SPTLC3: variants seen among roughly 807,000 people sequenced by gnomAD.
The protein encoded by SPTLC3 is serine palmitoyltransferase 3.
In SPTLC3, 36 loss-of-function variants were observed where a neutral mutation model predicts 59.3. The ratio of observed to expected loss-of-function variants is 0.61; its 90% CI spans 0.47 to 0.80. SPTLC3 has a LOEUF of 0.80. Among genes scored for constraint, SPTLC3 ranks in the 30% least tolerant of loss-of-function variants. The pLI, the probability that SPTLC3 is intolerant of heterozygous loss-of-function variation, is 0.00. For missense variants in SPTLC3, 625 were observed against 685.1 expected, an observed-to-expected ratio of 0.91 and a Z score of 0.98; for synonymous variants, 257 against 240.8, an observed-to-expected ratio of 1.07 and a Z score of -0.62.
chr20:13,139,432 G>A (rs905123943), intron 9 of SPTLC3, among the ~76,000 whole-genome samples: 18 of 152,154 alleles, frequency 1.2e-4, no homozygotes, highest in African/African-American at 4.3e-4. Flanking sequence ...TGGTGTTTCT[G>A]TTGGGCAAGA....
intron 2 of SPTLC3, among the ~76,000 whole-genome samples, chr20:13,069,474 A>C (rs1430550891): frequency 6.6e-6 from 1 of 152,188 alleles, no homozygotes; most frequent in Non-Finnish European, 1.5e-5. Context: ...ATCATTAGGC[A>C]TTAGATTCTC....
Position 13,093,474 on chromosome 20 carries a change from T to C in SPTLC3, c.733-10T>C. 3 of 1,611,702 alleles carry C rather than the reference T, an allele frequency of 1.9e-6. No individual in the cohort carries two copies. The highest frequency in any genetic ancestry group is 2.5e-6 in the Non-Finnish European group (3 of 1,178,564). On this transcript the variant is annotated splice_polypyrimidine_tract_variant and intron_variant, in intron 5 of 11. Transcript: ENST00000399002. ...TTGGCTTGTGTTTTGTGTGCTTGTT[T>C]TCTGCACAGGGATGCCTCATTTTAA...
chr20:13,061,179 G>A (rs950726281), intron 2 of SPTLC3, among the ~76,000 whole-genome samples: 4 of 152,070 alleles, frequency 2.6e-5, no homozygotes, highest in South Asian at 2.1e-4. Flanking sequence ...GAGGAATACC[G>A]TGACTCAGGG....
chr20:13,114,897 GC>G (rs1290522075), intron 7 of SPTLC3, among the ~76,000 whole-genome samples: 1 of 152,126 alleles, frequency 6.6e-6, no homozygotes, highest in African/African-American at 2.4e-5. Flanking sequence ...CAAAAAGGAG[GC>G]TTTTCACTTA....
chr20:13,020,240 G>A (rs1227399101), intron 1 of SPTLC3, among the ~76,000 whole-genome samples: 1 of 151,970 alleles, frequency 6.6e-6, no homozygotes, highest in East Asian at 1.9e-4. Context: ...GGGTGGGTGT[G>A]GTGGCTCATG....
intron 5 of SPTLC3, among the ~76,000 whole-genome samples, chr20:13,091,512 G>A (rs569205315): frequency 1.7e-4 from 26 of 151,516 alleles, no homozygotes; most frequent in African/African-American, 3.4e-4. Context: ...AGTGGAGGTT[G>A]CAATGAGCCG....
chr20:13,111,530 C>T (rs1260038833), intron 7 of SPTLC3, among the ~76,000 whole-genome samples: 1 of 152,206 alleles, frequency 6.6e-6, no homozygotes, highest in East Asian at 1.9e-4. Flanking sequence ...CTGAGAAAAC[C>T]TGTTCTGGTA....
chr20:13,053,159 G>T (rs139703778), intron 2 of SPTLC3, among the ~76,000 whole-genome samples: 1 of 152,142 alleles, frequency 6.6e-6, no homozygotes, highest in South Asian at 2.1e-4. Flanking sequence ...GCTGGCATCT[G>T]GTGGGTGGCC....
chr20:13,013,414 T>C (rs1427578208), intron 1 of SPTLC3, among the ~76,000 whole-genome samples: 2 of 152,328 alleles, frequency 1.3e-5, no homozygotes, highest in Admixed American at 6.5e-5. Flanking sequence ...CTGATTGAAA[T>C]AGAGGTCAAT....
At chr20:13,024,030 G>A (rs536596751) in intron 1 of SPTLC3, among the ~76,000 whole-genome samples, 4 of 152,212 alleles carry the variant, frequency 2.6e-5, no homozygotes, top group African/African-American at 4.8e-5. Context: ...TATATGAGAC[G>A]ACTTTTAAAA....
intron 1 of SPTLC3, among the ~76,000 whole-genome samples, chr20:13,040,986 C>T (rs1237969404): frequency 1.3e-5 from 2 of 152,054 alleles, no homozygotes; most frequent in South Asian, 4.2e-4. Flanking sequence ...TTTATGTGAT[C>T]AATTGTTTGG....
rs533329661 is a variant in SPTLC3 at position 13,062,785 on chromosome 20, A to G, written c.304-9471A>G. ...TGGCTTTGAAGATATTTATATGCCA[A>G]TACAGAACTACTTCATTCCTTTTAA... is the stretch of plus-strand genomic sequence containing the variant. On this transcript the variant is annotated intron_variant, in intron 2 of 11. Coordinates refer to ENST00000399002, the MANE Select transcript of SPTLC3 (RefSeq NM_018327.4). Among the ~76,000 whole-genome samples the G allele has an allele frequency of 3.6e-4, 55 of 152,320 alleles. 1 individual carries two copies. The Middle Eastern group carries it at 0.01, about 28-fold the overall frequency.
At chr20:13,066,058 T>A (rs1988196498) in intron 2 of SPTLC3, among the ~76,000 whole-genome samples, 1 of 152,220 alleles carries the variant, frequency 6.6e-6, no homozygotes, top group African/African-American at 2.4e-5. Context: ...TTGACCAGTA[T>A]CCCCCTATTT....
intron 1 of SPTLC3, among the ~76,000 whole-genome samples, chr20:13,016,008 C>T (rs938550682): frequency 6.6e-6 from 1 of 151,928 alleles, no homozygotes; most frequent in East Asian, 1.9e-4. Flanking sequence ...AGGCAAATTA[C>T]AGACCAGGAA....
Position 13,117,647 on chromosome 20 carries a change from C to A in SPTLC3, c.1074C>A (p.Asp358Glu), listed in dbSNP as rs376119290. ...GRGVTEFFGL[D>E]PHEVDVLMGT... Reference sequence around the variant, plus strand: ...GTGTCACGGAGTTCTTTGGACTAGACCCTCATGAAGTTGATGTGCTCATGG... The same window carrying A: ...GTGTCACGGAGTTCTTTGGACTAGAACCTCATGAAGTTGATGTGCTCATGG... The change falls in exon 8 of 12, where the codon GAC becomes GAA. Residue 358 changes from aspartate to glutamate, a missense_variant. Asp to Glu is a conservative substitution (Grantham distance 45). Coordinates refer to ENST00000399002, the MANE Select transcript of SPTLC3 (RefSeq NM_018327.4). 1.9e-6 allele frequency: 3 copies of A among 1,613,924 alleles called. No homozygotes were observed. Among genetic ancestry groups the A allele is most frequent in the African/African-American group, 2.7e-5 (2 of 74,894 alleles).
In SPTLC3 at chr20:13,065,247, G is replaced by A. The variant is rs138083355; in HGVS notation, c.304-7009G>A. On this transcript the variant is annotated intron_variant, in intron 2 of 11. Transcript: ENST00000399002. Reference sequence around the variant, plus strand: ...AATGTATATTAATGCCTTTCACTGTGATTGTAAATTTGTTAGAGTTTTTTT... The same window carrying A: ...AATGTATATTAATGCCTTTCACTGTAATTGTAAATTTGTTAGAGTTTTTTT... 6.9e-3 allele frequency among the ~76,000 whole-genome samples: 1,000 copies of A among 144,026 alleles called. 13 individuals are homozygous for A. The highest frequency in any genetic ancestry group is 0.024 in the African/African-American group (941 of 38,940). 94.5% of individuals were successfully genotyped at this position (144,026 alleles called of 152,430 possible).
At position 13,046,638 on chromosome 20, in the gene SPTLC3, C is replaced by T. The variant is rs571822664; in HGVS notation, c.118-2307C>T. Among the ~76,000 whole-genome samples, 9 of 152,098 alleles carry T rather than the reference C, an allele frequency of 5.9e-5. No homozygotes were observed. The East Asian group carries it at 1.2e-3, about 20-fold the overall frequency. On this transcript the variant is annotated intron_variant, in intron 1 of 11. Coordinates refer to ENST00000399002, the MANE Select transcript of SPTLC3 (RefSeq NM_018327.4). ...GGAAGTCACCTGGAATTGTGGAGAT[C>T]GATGTAGTCTAAAGTTCAAGTGCAG... is the stretch of plus-strand genomic sequence containing the variant.
At chr20:13,049,397 C>A in intron 2 of SPTLC3, 2 of 333,908 alleles carry the variant, frequency 6.0e-6, no homozygotes, top group Non-Finnish European at 1.1e-5. Flanking sequence ...TTGTAACAAC[C>A]CCATGATATA....
chr20:13,164,965 C>A lies in SPTLC3; in HGVS notation c.*98C>A. 2 of 1,067,690 alleles carry A rather than the reference C, an allele frequency of 1.9e-6. No homozygotes were observed. Among genetic ancestry groups the A allele is most frequent in the Non-Finnish European group, 2.7e-6 (2 of 747,554 alleles). 66.1% of individuals were successfully genotyped at this position (1,067,690 alleles called of 1,614,324 possible). A position where few individuals can be genotyped will look rare whatever the true frequency, so the allele number is the denominator to read the frequency against. Reference sequence around the variant, plus strand: ...ATGGATTTCTCCCCCTTCCTCAGGACAATTTTGGTTCCCAGACCAGCTTGA... The same window carrying A: ...ATGGATTTCTCCCCCTTCCTCAGGAAAATTTTGGTTCCCAGACCAGCTTGA... On this transcript the variant is annotated 3_prime_UTR_variant, in exon 12 of 12. Coordinates refer to ENST00000399002, the MANE Select transcript of SPTLC3 (RefSeq NM_018327.4).
Sources: gnomAD v4.1 joint callset for allele counts (sites outside exome capture counted in the v4.1 genomes callset) on GRCh38, gnomAD v4.1.1 for gene constraint, MANE v1.5 for transcripts, NCBI Gene and HGNC (gene_info 2026-07-23, HGNC 2026-07-21) for gene names.